ATG16L2: variants seen among roughly 807,000 people sequenced by gnomAD.
The protein encoded by ATG16L2 is autophagy related 16 like 2, also known as protein Atg16l2.
Under a neutral mutation model 84.7 loss-of-function variants are expected in ATG16L2, and 77 were observed. The observed-to-expected ratio is 0.91, with a 90% CI of 0.76 to 1.10. ATG16L2 has a LOEUF of 1.10. Ranked by LOEUF, ATG16L2 falls within the 50% of genes least tolerant of loss-of-function variation. The probability of loss-of-function intolerance (pLI) is 0.00; values close to 1 mark genes in which losing one functional copy is unlikely to be tolerated. For missense variants in ATG16L2, 782 were observed against 817.6 expected (o/e 0.96, Z 0.53); for synonymous variants, 361 against 342.8 (o/e 1.05, Z -0.59).
chr11:72,829,250 T>A, intron 17 of ATG16L2, 53 bp from the exon 18 acceptor site: 1 of 1,584,966 alleles, frequency 6.3e-7, no homozygotes, highest in Non-Finnish European at 8.6e-7. Flanking sequence ...CAGAGCCAGG[T>A]TGCAGGCGCA....
At chr11:72,823,708 C>T in intron 7 of ATG16L2, 1 of 475,434 alleles carries the variant, frequency 2.1e-6, no homozygotes, top group Non-Finnish European at 4.2e-6. Context: ...TGAGCCTAGG[C>T]TCCCCCCTCC....
downstream of ATG16L2, chr11:72,829,748 C>A: frequency 1.7e-6 from 1 of 593,842 alleles, no homozygotes; most frequent in Non-Finnish European, 2.2e-6. Flanking sequence ...CTGAGGCAGC[C>A]AGCCGAGTCT....
intron 1 of ATG16L2, 85 bp downstream of exon 1, chr11:72,814,648 C>A: frequency 1.7e-6 from 2 of 1,164,370 alleles, no homozygotes; most frequent in Admixed American, 2.4e-5. Flanking sequence ...GCTCCTCCGC[C>A]TGTGACCCGA....
At chr11:72,815,321 T>C (rs1453511264) in intron 1 of ATG16L2, among the ~76,000 whole-genome samples, 1 of 152,212 alleles carries the variant, frequency 6.6e-6, no homozygotes, top group African/African-American at 2.4e-5. Flanking sequence ...GGGGCTAATC[T>C]TGGCCAAACC....
chr11:72,828,812 T>C (rs1226804855), intron 16 of ATG16L2, 36 bp downstream of exon 16: 2 of 1,614,146 alleles, frequency 1.2e-6, no homozygotes, highest in Non-Finnish European at 8.5e-7. Context: ...TGTCCAAGTG[T>C]GCCCTGCCGG....
At chr11:72,830,082 A>G (rs899903230), downstream of ATG16L2, among the ~76,000 whole-genome samples, 5 of 152,172 alleles carry the variant, frequency 3.3e-5, no homozygotes, top group African/African-American at 1.2e-4. Context: ...GGTAGTGCCC[A>G]GGGTGGGGCA....
intron 3 of ATG16L2, among the ~76,000 whole-genome samples, chr11:72,819,795 G>A (rs1304644061): frequency 1.3e-5 from 2 of 151,958 alleles, no homozygotes; most frequent in Non-Finnish European, 2.9e-5. Context: ...GCCCAGGCTG[G>A]AGTACAGTCG....
At chr11:72,829,804 C>T (rs1349151943), downstream of ATG16L2, among the ~76,000 whole-genome samples, 1 of 152,114 alleles carries the variant, frequency 6.6e-6, no homozygotes, top group Non-Finnish European at 1.5e-5. Context: ...ATGGAAACAG[C>T]AGGAAGAAAG....
At chr11:72,826,129 G>T (rs200423702) in intron 10 of ATG16L2, 44 bp from the exon 11 acceptor site, 43 of 1,528,760 alleles carry the variant, frequency 2.8e-5, no homozygotes, top group Non-Finnish European at 5.4e-6. Flanking sequence ...CATTTTGTGA[G>T]GTTAAGACCT....
At chr11:72,818,295 G>C (rs1859802405) in intron 3 of ATG16L2, 1 of 162,186 alleles carries the variant, frequency 6.2e-6, no homozygotes, top group South Asian at 1.5e-4. Flanking sequence ...TTGCAACAGT[G>C]TCTCTTGGCT....
intron 5 of ATG16L2, chr11:72,838,921 G>A: frequency 6.6e-7 from 1 of 1,508,014 alleles, no homozygotes; most frequent in Non-Finnish European, 9.1e-7. Flanking sequence ...TCCTGACTCA[G>A]TATCTGAAGC....
intron 5 of ATG16L2, among the ~76,000 whole-genome samples, chr11:72,840,684 G>A (rs1207865298): frequency 6.6e-6 from 1 of 152,180 alleles, no homozygotes; most frequent in Non-Finnish European, 1.5e-5. Context: ...AAGTTCCAGT[G>A]TAGATTAAAT....
At chr11:72,823,743 T>A (rs1860156749) in intron 7 of ATG16L2, 1 of 499,284 alleles carries the variant, frequency 2.0e-6, no homozygotes, top group Non-Finnish European at 3.9e-6. Flanking sequence ...TGGGGGAACC[T>A]TCAGCGTCTC....
At chr11:72,842,904 C>G in exon 6 of ATG16L2, 3 of 1,247,096 alleles carry the variant, frequency 2.4e-6, no homozygotes, top group Non-Finnish European at 3.5e-6. Flanking sequence ...TTTGCAACCA[C>G]CCCTATGCTC....
chr11:72,838,926 T>G, intron 5 of ATG16L2: 1 of 1,507,104 alleles, frequency 6.6e-7, no homozygotes, highest in East Asian at 2.4e-5. Context: ...ACTCAGTATC[T>G]GAAGCATCCC....
intron 3 of ATG16L2, chr11:72,818,261 G>A (rs1859800650): frequency 5.9e-6 from 1 of 170,440 alleles, no homozygotes; most frequent in Non-Finnish European, 1.3e-5. Context: ...CGCTCCACCT[G>A]ACACTACCGC....
chr11:72,821,901 G>T, intron 4 of ATG16L2, 143 bp from the exon 5 acceptor site: 2 of 1,422,040 alleles, frequency 1.4e-6, no homozygotes, highest in Non-Finnish European at 1.8e-6. Flanking sequence ...GGCTCTGAGG[G>T]CGAAGGCTTG....
intron 13 of ATG16L2, 146 bp downstream of exon 13, chr11:72,826,969 T>A: frequency 1.0e-6 from 1 of 993,698 alleles, no homozygotes; most frequent in Non-Finnish European, 1.5e-6. Context: ...TCCAATTCCC[T>A]AATGGTATCC....
At chr11:72,826,357 T>C (rs2135116725) in intron 11 of ATG16L2, 114 bp downstream of exon 11, 1 of 1,423,250 alleles carries the variant, frequency 7.0e-7, no homozygotes, top group East Asian at 2.4e-5. Context: ...ACCAGGCCCC[T>C]GGGCTCTTAC....
Sources: gnomAD v4.1 joint callset for allele counts (sites outside exome capture counted in the v4.1 genomes callset) on GRCh38, gnomAD v4.1.1 for gene constraint, MANE v1.5 for transcripts, NCBI Gene and HGNC (gene_info 2026-07-23, HGNC 2026-07-21) for gene names.